Variants in BLOC1S5 observed in about 807,000 individuals in gnomAD.
The protein encoded by BLOC1S5 is biogenesis of lysosomal organelles complex 1 subunit 5, also known as biogenesis of lysosome-related organelles complex 1 subunit 5.
A neutral mutation model predicts 24.3 loss-of-function variants in BLOC1S5; 27 were observed. The observed-to-expected ratio is 1.11, with a 90% CI of 0.82 to 1.53. The LOEUF (loss-of-function observed/expected upper bound fraction) is 1.53. BLOC1S5 is among the 40% of genes most tolerant of loss of function. The probability of loss-of-function intolerance (pLI) is 0.00; values close to 1 mark genes in which losing one functional copy is unlikely to be tolerated. For synonymous variants in BLOC1S5, 84 were observed against 74.5 expected, an observed-to-expected ratio of 1.13 and a Z score of -0.66; for missense variants, 239 against 229.4, an observed-to-expected ratio of 1.04 and a Z score of -0.27.
In BLOC1S5 at chr6:8,026,367, CT is replaced by C; in HGVS notation, c.383del (p.Lys128ArgfsTer7). 2 of 1,603,124 alleles carry C rather than the reference CT, an allele frequency of 1.2e-6. No individual in the cohort carries two copies. The highest frequency in any genetic ancestry group is 1.7e-6 in the Non-Finnish European group (2 of 1,170,694). On this transcript the variant is annotated frameshift_variant and splice_region_variant, in exon 4 of 5. Coordinates refer to ENST00000397457, the MANE Select transcript of BLOC1S5 (RefSeq NM_201280.3). LOFTEE classifies it high-confidence loss of function. Reference protein sequence around the residue: ...RLQQREQERKKIHSDHLVASE... With the variant: ...RLQQREQERKXIHSDHLVASE... ...CCTCATTATCTAAATGATCTTTTAC[CT>C]TTTTTCGTTCCTGTTCCCTCTGTTG...
chr6:8,046,835 G>C (rs1763916156), intron 2 of BLOC1S5, among the ~76,000 whole-genome samples: 1 of 152,032 alleles, frequency 6.6e-6, no homozygotes, highest in Admixed American at 6.5e-5. Context: ...GAGTGCAGTG[G>C]TGTGATCATG....
intron 2 of BLOC1S5, among the ~76,000 whole-genome samples, chr6:8,054,884 C>T (rs1764258495): frequency 6.6e-6 from 1 of 152,160 alleles, no homozygotes; most frequent in Non-Finnish European, 1.5e-5. Flanking sequence ...GGCTCATTAT[C>T]ACACATATTT....
At chr6:8,022,901 C>T (rs1762974442) in intron 4 of BLOC1S5, among the ~76,000 whole-genome samples, 1 of 152,186 alleles carries the variant, frequency 6.6e-6, no homozygotes, top group Admixed American at 6.5e-5. Context: ...CTATTTAAAA[C>T]AATGTACAAG....
At chr6:8,021,513 C>G (rs140195513) in intron 4 of BLOC1S5, among the ~76,000 whole-genome samples, 78 of 152,198 alleles carry the variant, frequency 5.1e-4, no homozygotes, top group African/African-American at 1.8e-3. Context: ...GTGGGAGAAT[C>G]CCTTGAACCT....
chr6:8,039,220 A>G (rs1306604002), intron 3 of BLOC1S5, among the ~76,000 whole-genome samples: 2 of 152,202 alleles, frequency 1.3e-5, no homozygotes, highest in African/African-American at 4.8e-5. Flanking sequence ...TCTCACTCGT[A>G]TGTGAGAGCT....
At chr6:8,023,698 T>G (rs532904071) in intron 4 of BLOC1S5, among the ~76,000 whole-genome samples, 1 of 152,332 alleles carries the variant, frequency 6.6e-6, no homozygotes, top group African/African-American at 2.4e-5. Context: ...TGCAATAGTA[T>G]AACCAAGGGC....
chr6:8,034,397 C>A (rs1388836893), intron 3 of BLOC1S5, among the ~76,000 whole-genome samples: 3 of 152,198 alleles, frequency 2.0e-5, no homozygotes, highest in Non-Finnish European at 4.4e-5. Context: ...CCAAACACTG[C>A]ATGTTCTCAC....
intron 2 of BLOC1S5, among the ~76,000 whole-genome samples, chr6:8,058,626 G>T (rs1426014956): frequency 6.6e-6 from 1 of 152,110 alleles, no homozygotes; most frequent in Non-Finnish European, 1.5e-5. Flanking sequence ...GCAGGTTGAG[G>T]CTGCAGTAAG....
chr6:8,060,213 G>A (rs1764465632), intron 2 of BLOC1S5, among the ~76,000 whole-genome samples: 2 of 152,286 alleles, frequency 1.3e-5, no homozygotes, highest in Admixed American at 6.5e-5. Flanking sequence ...TGAGCCATGC[G>A]AAAAATGAGA....
chr6:8,019,195 A>G (rs1207198516), intron 4 of BLOC1S5, among the ~76,000 whole-genome samples: 1 of 152,212 alleles, frequency 6.6e-6, no homozygotes, highest in Non-Finnish European at 1.5e-5. Flanking sequence ...TCCCTTATCA[A>G]GAAGTTCTTA....
chr6:8,030,860 A>G (rs1763271168), intron 3 of BLOC1S5, among the ~76,000 whole-genome samples: 1 of 150,842 alleles, frequency 6.6e-6, no homozygotes. Flanking sequence ...CAACAGACCA[A>G]CAGTCAAAAA....
chr6:8,042,759 A>T (rs926184256), intron 2 of BLOC1S5, among the ~76,000 whole-genome samples: 1 of 152,234 alleles, frequency 6.6e-6, no homozygotes, highest in South Asian at 2.1e-4. Flanking sequence ...CCTGGTTTAC[A>T]CAAACAATGT....
intron 2 of BLOC1S5, among the ~76,000 whole-genome samples, chr6:8,058,097 T>C (rs1160164127): frequency 6.6e-6 from 1 of 152,148 alleles, no homozygotes; most frequent in Non-Finnish European, 1.5e-5. Flanking sequence ...TCCATTCCCT[T>C]CTCTCTTGCT....
chr6:8,049,239 C>T lies in BLOC1S5; in HGVS notation c.196-7971G>A, dbSNP rs915922325. 3.5e-4 allele frequency among the ~76,000 whole-genome samples: 53 copies of T among 151,660 alleles called. 1 individual carries two copies. The highest frequency in any genetic ancestry group is 3.2e-3 in the Admixed American group (49 of 15,228). On this transcript the variant is annotated intron_variant, in intron 2 of 4. Coordinates refer to ENST00000397457, the MANE Select transcript of BLOC1S5 (RefSeq NM_201280.3). ...TACAAACATTAGCCGGGCGTGGTGG[C>T]AGGCACCTGTAATCCCAACTACTCG...
chr6:8,044,320 C>T (rs541758814), intron 2 of BLOC1S5, among the ~76,000 whole-genome samples: 12 of 147,132 alleles, frequency 8.2e-5, no homozygotes, highest in Non-Finnish European at 1.3e-4. Context: ...AAGTGTCTTT[C>T]GCCTCCCACC....
At chr6:8,044,892 T>C (rs1395738281) in intron 2 of BLOC1S5, among the ~76,000 whole-genome samples, 2 of 152,172 alleles carry the variant, frequency 1.3e-5, no homozygotes, top group Non-Finnish European at 2.9e-5. Flanking sequence ...AGCATAAAAG[T>C]TTGGAAAATC....
intron 2 of BLOC1S5, chr6:8,042,000 A>G (rs1763710781): frequency 2.0e-5 from 3 of 152,236 alleles, no homozygotes; most frequent in Admixed American, 2.0e-4. Context: ...TTGTTAGGTT[A>G]TGACTTATTA....
At chr6:8,046,510 A>AT (rs142440159) in intron 2 of BLOC1S5, among the ~76,000 whole-genome samples, 21 of 151,864 alleles carry the variant, frequency 1.4e-4, no homozygotes, top group East Asian at 3.9e-4. Flanking sequence ...GAGGTTTTTT[A>AT]TTTTTTTTGA....
At chr6:8,042,771 A>G (rs932223950) in intron 2 of BLOC1S5, among the ~76,000 whole-genome samples, 3 of 152,226 alleles carry the variant, frequency 2.0e-5, no homozygotes, top group Non-Finnish European at 4.4e-5. Flanking sequence ...AAACAATGTG[A>G]TTAATGTTGA....
Sources: allele counts gnomAD v4.1 joint callset (sites outside exome capture counted in the v4.1 genomes callset), GRCh38; gene constraint gnomAD v4.1.1; transcripts MANE v1.5; gene names NCBI Gene and HGNC (gene_info 2026-07-23, HGNC 2026-07-21).